The following VWDE variants were observed in gnomAD, a reference collection of about 807,000 sequenced individuals.
VWDE encodes von Willebrand factor D and EGF domain-containing protein.
In VWDE, 207 loss-of-function variants were observed where a neutral mutation model predicts 178.4. That is an observed-to-expected ratio of 1.16 (90% CI 1.04 to 1.30). VWDE has a LOEUF of 1.30. VWDE is among the 50% of genes most tolerant of loss of function. The pLI is 0.00. For synonymous variants in VWDE, 738 were observed against 651.4 expected (o/e 1.13, Z -2.02); for missense variants, 2,287 against 1,901.3 (o/e 1.20, Z -3.77).
chr7:12,373,360 G>T, intron 9 of VWDE, 113 bp from the exon 10 acceptor site: 1 of 1,100,100 alleles, frequency 9.1e-7, no homozygotes, highest in Non-Finnish European at 1.3e-6. Context: ...ATGCACTGAA[G>T]GAAACAAAGT....
intron 2 of VWDE, among the ~76,000 whole-genome samples, chr7:12,392,573 T>A (rs181534790): frequency 1.0e-3 from 155 of 152,252 alleles, no homozygotes; most frequent in African/African-American, 3.6e-3. Flanking sequence ...GAATTGTCAA[T>A]AGAAATTCAG....
At position 12,337,183 on chromosome 7, in the gene VWDE, G is replaced by C; in HGVS notation, c.4456C>G (p.Gln1486Glu). 6.4e-7 allele frequency: 1 copy of C among 1,551,548 alleles called. No individual in the cohort carries two copies. Among genetic ancestry groups the C allele is most frequent in the African/African-American group, 1.4e-5 (1 of 73,112 alleles). Residue 1486 changes from glutamine to glutamate, a missense_variant, in exon 25 of 29, where the codon CAA (glutamine) becomes GAA (glutamate). By Grantham distance (29) the Gln-to-Glu change is conservative. Transcript: ENST00000275358. ...CREGYTGRRF[Q>E]KSICDPTCMN... ...ACATTTAGTGATGTCTTACTTTTTT[G>C]GAATCTCCTACCAGTGTATCCTTCA...
Position 12,333,538 on chromosome 7 carries a change from C to T in VWDE, c.4685G>A (p.Gly1562Asp). ...PICNPKCLYG[G>D]RCIFPNVCSC... The stretch of plus-strand genomic sequence containing the variant: ...ACACACATTGGGAAATATGCATCTG[C>T]CTCCATAAAGACATTTTGGGTTGCA... Residue 1562 changes from glycine (G) to aspartate (D), a missense_variant, in exon 28 of 29, where the codon GGC (glycine) becomes GAC (aspartate). Coordinates refer to ENST00000275358, the MANE Select transcript of VWDE (RefSeq NM_001135924.3). The T allele has an allele frequency of 1.9e-6, 3 of 1,551,000 alleles. No individual in the cohort carries two copies. The highest frequency in any genetic ancestry group is 2.6e-6 in the Non-Finnish European group (3 of 1,146,638).
intron 28 of VWDE, among the ~76,000 whole-genome samples, chr7:12,333,248 G>A (rs1780829531): frequency 6.6e-6 from 1 of 151,998 alleles, no homozygotes; most frequent in Non-Finnish European, 1.5e-5. Context: ...TTGGACAGTT[G>A]TATCTATACA....
chr7:12,333,595 C>A, intron 27 of VWDE, 27 bp from the exon 28 acceptor site: 4 of 1,458,282 alleles, frequency 2.7e-6, no homozygotes, highest in Non-Finnish European at 3.8e-6. Context: ...TTTACAATGA[C>A]CATCCTTTGA....
intron 3 of VWDE, among the ~76,000 whole-genome samples, chr7:12,387,774 A>T (rs1784177281): frequency 6.6e-6 from 1 of 152,128 alleles, no homozygotes; most frequent in Admixed American, 6.5e-5. Context: ...TTGTTGCTCA[A>T]TCAAGTGTTC....
At chr7:12,388,651 G>GT (rs1583345954) in intron 3 of VWDE, among the ~76,000 whole-genome samples, 2 of 152,260 alleles carry the variant, frequency 1.3e-5, no homozygotes, top group Non-Finnish European at 2.9e-5. Context: ...CCACTAGAAT[G>GT]TAAGTTTCAT....
intron 27 of VWDE, among the ~76,000 whole-genome samples, chr7:12,334,451 A>AG (rs2128543808): frequency 3.9e-4 from 1 of 2,584 alleles, no homozygotes; most frequent in East Asian, 9.4e-3. Context: ...CAACATTGAC[A>AG]GGGTTGTTTT....
At chr7:12,372,764 A>C (rs1335914837) in intron 10 of VWDE, among the ~76,000 whole-genome samples, 3 of 152,138 alleles carry the variant, frequency 2.0e-5, no homozygotes, top group Admixed American at 2.0e-4. Context: ...TGAAATGTTA[A>C]ATAAGGCAGT....
intron 19 of VWDE, among the ~76,000 whole-genome samples, chr7:12,346,984 T>C (rs1178742809): frequency 6.6e-6 from 1 of 152,000 alleles, no homozygotes; most frequent in Non-Finnish European, 1.5e-5. Context: ...TTTTGAAAAA[T>C]GTGAGGACTT....
At chr7:12,375,556 T>G (rs1402834183) in intron 7 of VWDE, among the ~76,000 whole-genome samples, 1 of 151,912 alleles carries the variant, frequency 6.6e-6, no homozygotes, top group East Asian at 1.9e-4. Context: ...ACATATATTA[T>G]AATTTTACAT....
chr7:12,367,897 A>G (rs1285283583), intron 12 of VWDE, among the ~76,000 whole-genome samples: 1 of 152,150 alleles, frequency 6.6e-6, no homozygotes, highest in Admixed American at 6.6e-5. Flanking sequence ...AATGCAATGT[A>G]TTAAAATTTC....
chr7:12,387,825 A>G (rs1256064671), intron 3 of VWDE, among the ~76,000 whole-genome samples: 2 of 152,092 alleles, frequency 1.3e-5, no homozygotes, highest in East Asian at 1.9e-4. Flanking sequence ...GTCTCCCGGA[A>G]CTTTCAGTGT....
At chr7:12,399,057 GA>G (rs1002494822) in intron 1 of VWDE, among the ~76,000 whole-genome samples, 29 of 151,934 alleles carry the variant, frequency 1.9e-4, no homozygotes, top group Non-Finnish European at 1.3e-4. Flanking sequence ...TAAAAGTTGA[GA>G]TTTTTTTTAA....
chr7:12,349,164 C>G (rs192519398), intron 19 of VWDE, among the ~76,000 whole-genome samples: 2,447 of 151,882 alleles, frequency 0.016, 59 homozygotes, highest in African/African-American at 0.057. Flanking sequence ...CAGCATGGCA[C>G]ATGTATACAT....
Position 12,333,544 on chromosome 7 carries a change from T to C in VWDE, c.4679A>G (p.Tyr1560Cys). ...ATTGGGAAATATGCATCTGCCTCCA[T>C]AAAGACATTTTGGGTTGCAAATTGC... ...QIPICNPKCL[Y>C]GGRCIFPNVC... The change falls in exon 28 of 29, where the codon TAT becomes TGT. Residue 1560 changes from tyrosine (Y) to cysteine (C), a missense_variant. Physicochemically the swap from Tyr to Cys is radical, Grantham distance 194. Transcript: ENST00000275358. The C allele has an allele frequency of 6.4e-7, 1 of 1,551,076 alleles. No individual in the cohort carries two copies. The highest frequency in any genetic ancestry group is 2.4e-5 in the East Asian group (1 of 40,882).
rs1206698367 is a variant in VWDE, at chr7:12,367,485, G to A, written c.2770C>T (p.Pro924Ser). 3 of 1,498,358 alleles carry A rather than the reference G, an allele frequency of 2.0e-6. No homozygotes were observed. Among genetic ancestry groups the A allele is most frequent in the South Asian group, 1.4e-5 (1 of 73,936 alleles). The allele number at this position is 1,498,358 out of a possible 1,614,324, so 92.8% of individuals were successfully genotyped here. ...YDCSDSYDKA[P>S]EITELGNAGF... The stretch of plus-strand genomic sequence containing the variant: ...GCATTCCCAAGCTCTGTAATTTCAG[G>A]AGCTTTGTCTTTGGAAAAAAAATAT... Residue 924 changes from proline to serine, a missense_variant, in exon 13 of 29, where the codon CCT becomes TCT. Pro to Ser is a moderately conservative substitution (Grantham distance 74). Coordinates refer to ENST00000275358, the MANE Select transcript of VWDE (RefSeq NM_001135924.3).
chr7:12,369,703 T>C lies in VWDE; in HGVS notation c.2603A>G (p.Glu868Gly). 1.9e-6 allele frequency: 3 copies of C among 1,551,674 alleles called. No individual in the cohort carries two copies. Among genetic ancestry groups the C allele is most frequent in the Non-Finnish European group, 2.6e-6 (3 of 1,146,902 alleles). Residue 868 changes from glutamate to glycine, a missense_variant, in exon 12 of 29, where the codon GAG (glutamate) becomes GGG (glycine). Glu to Gly is a moderately conservative substitution (Grantham distance 98). Coordinates refer to ENST00000275358, the MANE Select transcript of VWDE (RefSeq NM_001135924.3). Reference protein sequence around the residue: ...LENECEKRIVEEGKYNTEEYG... With the variant: ...LENECEKRIVGEGKYNTEEYG... Reference sequence around the variant, plus strand: ...CTCTTCTGTGTTATATTTCCCCTCCTCCACAATCCTCTTTTCACATTCATT... The same window carrying C: ...CTCTTCTGTGTTATATTTCCCCTCCCCCACAATCCTCTTTTCACATTCATT...
intron 27 of VWDE, 192 bp from the exon 28 acceptor site, chr7:12,333,760 A>C: frequency 2.5e-6 from 1 of 392,388 alleles, no homozygotes. Flanking sequence ...ATCAAAAACA[A>C]AGCACCCAAA....
Sources: gnomAD v4.1 joint callset for allele counts (sites outside exome capture counted in the v4.1 genomes callset) on GRCh38, gnomAD v4.1.1 for gene constraint, MANE v1.5 for transcripts, NCBI Gene and HGNC (gene_info 2026-07-23, HGNC 2026-07-21) for gene names.